Variants in WDR93 observed in about 807,000 individuals in gnomAD.
The protein encoded by WDR93 is WD repeat-containing protein 93.
Under a neutral mutation model 82.9 loss-of-function variants are expected in WDR93, and 73 were observed. The ratio of observed to expected loss-of-function variants is 0.88; its 90% CI spans 0.73 to 1.07. The LOEUF (loss-of-function observed/expected upper bound fraction) is 1.07. WDR93 is among the 50% of genes least tolerant of loss of function. The pLI is 0.00. For synonymous variants in WDR93, 283 were observed against 300.1 expected (o/e 0.94, Z 0.59); for missense variants, 738 against 826.0 (o/e 0.89, Z 1.31).
At chr15:89,693,089 T>C (rs886567844) in intron 1 of WDR93, among the ~76,000 whole-genome samples, 2 of 152,240 alleles carry the variant, frequency 1.3e-5, no homozygotes, top group Admixed American at 1.3e-4. Context: ...GAATGTATTA[T>C]AATTCATTAT....
chr15:89,737,898 G>A (rs1268701382), intron 15 of WDR93, 143 bp from the exon 16 acceptor site: 1 of 1,310,288 alleles, frequency 7.6e-7, no homozygotes, highest in Non-Finnish European at 1.0e-6. Context: ...AATGCCAGCA[G>A]GGTCTTCTCT....
intron 13 of WDR93, among the ~76,000 whole-genome samples, chr15:89,733,981 T>C (rs1966953176): frequency 6.6e-6 from 1 of 151,754 alleles, no homozygotes; most frequent in Admixed American, 6.6e-5. Flanking sequence ...TGCATGCAAA[T>C]GAACCTGTAT....
At chr15:89,735,867 CTG>C (rs949579939) in intron 14 of WDR93, among the ~76,000 whole-genome samples, 32 of 152,200 alleles carry the variant, frequency 2.1e-4, no homozygotes, top group African/African-American at 7.7e-4. Flanking sequence ...CAGGGGAGGA[CTG>C]TGTTTTCTGG....
intron 4 of WDR93, among the ~76,000 whole-genome samples, chr15:89,710,342 G>C (rs1965918519): frequency 6.6e-6 from 1 of 152,154 alleles, no homozygotes; most frequent in African/African-American, 2.4e-5. Flanking sequence ...AAAAGAGTAG[G>C]TTCTAATTAT....
At chr15:89,705,470 G>A in intron 3 of WDR93, 84 bp from the exon 4 acceptor site, 1 of 850,206 alleles carries the variant, frequency 1.2e-6, no homozygotes, top group Non-Finnish European at 2.0e-6. Context: ...ATGATGGTAA[G>A]TTCACAAAGT....
At chr15:89,727,770 AT>A (rs1030097747) in intron 9 of WDR93, among the ~76,000 whole-genome samples, 16 of 151,680 alleles carry the variant, frequency 1.1e-4, no homozygotes, top group African/African-American at 3.6e-4. Flanking sequence ...TTCTTTTTAA[AT>A]TTTTTTTTCT....
intron 3 of WDR93, chr15:89,704,170 CA>C (rs57077770): frequency 0.044 from 5,710 of 130,574 alleles, 413 homozygotes; most frequent in African/African-American, 0.15. Flanking sequence ...ACGAAAAATA[CA>C]AAAAAAAAAA....
chr15:89,697,505 G>A lies in WDR93; in HGVS notation c.-40-4202G>A, dbSNP rs1965240242. Among the ~76,000 whole-genome samples the A allele has an allele frequency of 2.0e-5, 3 of 152,120 alleles. No individual in the cohort carries two copies. In the South Asian group the frequency reaches 6.2e-4, roughly 32 times the overall value. On this transcript the variant is annotated intron_variant, in intron 1 of 16. Coordinates refer to ENST00000268130, the MANE Select transcript of WDR93 (RefSeq NM_020212.2). ...CTGTTGCAGTCAGAGAACATACTTT[G>A]TATTATTTAAGTTCTTTCAAACTTA...
At chr15:89,701,508 A>T (rs1029089385) in intron 1 of WDR93, among the ~76,000 whole-genome samples, 199 bp from the exon 2 acceptor site, 2 of 152,216 alleles carry the variant, frequency 1.3e-5, no homozygotes, top group African/African-American at 4.8e-5. Flanking sequence ...TTGGCCTGGA[A>T]AATACCTGCC....
intron 1 of WDR93, among the ~76,000 whole-genome samples, chr15:89,693,386 C>T (rs1306870406): frequency 1.3e-5 from 2 of 152,168 alleles, no homozygotes; most frequent in Non-Finnish European, 2.9e-5. Flanking sequence ...CTTTGGGGCT[C>T]CTACAAATAA....
At chr15:89,704,170 C>CAAAAAAAAA (rs57077770) in intron 3 of WDR93, 1 of 130,640 alleles carries the variant, frequency 7.7e-6, no homozygotes, top group Non-Finnish European at 1.6e-5. Flanking sequence ...ACGAAAAATA[C>CAAAAAAAAA]AAAAAAAAAA....
chr15:89,712,983 A>T (rs1966063654), intron 5 of WDR93, among the ~76,000 whole-genome samples: 1 of 151,968 alleles, frequency 6.6e-6, no homozygotes, highest in South Asian at 2.1e-4. Context: ...AATTAGCCAG[A>T]CGTGGTGGTG....
intron 3 of WDR93, 48 bp downstream of exon 3, chr15:89,703,190 G>A: frequency 6.3e-7 from 1 of 1,590,418 alleles, no homozygotes; most frequent in Non-Finnish European, 8.6e-7. Context: ...GGTACCTGTA[G>A]ACTGTTGTCA....
At chr15:89,724,529 T>C (rs11633523) in intron 8 of WDR93, among the ~76,000 whole-genome samples, 1 of 151,890 alleles carries the variant, frequency 6.6e-6, no homozygotes, top group Non-Finnish European at 1.5e-5. Flanking sequence ...TCAGGCCACA[T>C]AGAGGTAGAA....
At chr15:89,699,727 C>G (rs1033181137) in intron 1 of WDR93, among the ~76,000 whole-genome samples, 1 of 152,060 alleles carries the variant, frequency 6.6e-6, no homozygotes, top group African/African-American at 2.4e-5. Context: ...AATTTTTCCT[C>G]TGAAATCTTC....
intron 4 of WDR93, among the ~76,000 whole-genome samples, chr15:89,710,052 T>C (rs1184625626): frequency 1.3e-5 from 2 of 152,076 alleles, no homozygotes; most frequent in Admixed American, 6.6e-5. Context: ...CCCAGCTACT[T>C]GGGAGGCTGA....
chr15:89,737,729 G>A lies in WDR93; in HGVS notation c.1765G>A (p.Gly589Arg). 1 of 1,614,164 alleles carries A rather than the reference G, an allele frequency of 6.2e-7. No homozygotes were observed. The highest frequency in any genetic ancestry group is 8.5e-7 in the Non-Finnish European group (1 of 1,180,020). Residue 589 changes from glycine (G) to arginine (R), a missense_variant and splice_region_variant, in exon 15 of 17, where the codon GGA (glycine) becomes AGA (arginine). Gly to Arg is a moderately radical substitution (Grantham distance 125). Coordinates refer to ENST00000268130, the MANE Select transcript of WDR93 (RefSeq NM_020212.2). ...SPDHPCFLLR[G>R]DYSHETASTD... is the part of the protein sequence containing the mutation. ...AGACCATCCATGTTTCCTGCTCCGA[G>A]GTACAGAAAGGGACCAGGGCTGATG... is the stretch of plus-strand genomic sequence containing the variant.
chr15:89,714,716 G>A (rs1228752637), intron 5 of WDR93, among the ~76,000 whole-genome samples: 14 of 152,202 alleles, frequency 9.2e-5, no homozygotes, highest in Non-Finnish European at 1.5e-5. Context: ...TGTTGCATGA[G>A]TGCTGTTAGT....
chr15:89,730,988 A>G (rs1407604120), intron 11 of WDR93, among the ~76,000 whole-genome samples: 3 of 152,236 alleles, frequency 2.0e-5, no homozygotes, highest in Non-Finnish European at 4.4e-5. Flanking sequence ...CAAAAGTAAC[A>G]TTAAAAAATT....
Sources: gnomAD v4.1 joint callset for allele counts (sites outside exome capture counted in the v4.1 genomes callset) on GRCh38, gnomAD v4.1.1 for gene constraint, MANE v1.5 for transcripts, NCBI Gene and HGNC (gene_info 2026-07-23, HGNC 2026-07-21) for gene names.